USP49: variants seen among roughly 807,000 people sequenced by gnomAD.
USP49 encodes ubiquitin specific peptidase 49, also known as ubiquitin carboxyl-terminal hydrolase 49.
In USP49, 24 loss-of-function variants were observed where a neutral mutation model predicts 58.6. The observed-to-expected ratio is 0.41, with a 90% CI of 0.30 to 0.58. The LOEUF is 0.58. Ranked by LOEUF, USP49 falls within the 20% of genes least tolerant of loss-of-function variation. The pLI is 0.30. For synonymous variants in USP49, 408 were observed against 365.1 expected (o/e 1.12, Z -1.34); for missense variants, 703 against 866.1 (o/e 0.81, Z 2.36).
At chr6:41,836,388 A>G (rs1773727537) in intron 3 of USP49, among the ~76,000 whole-genome samples, 1 of 152,224 alleles carries the variant, frequency 6.6e-6, no homozygotes, top group Non-Finnish European at 1.5e-5. Context: ...AATAACAGCC[A>G]TCTATGACAA....
intron 3 of USP49, among the ~76,000 whole-genome samples, chr6:41,864,561 T>TCAAAA (rs1054937356): frequency 3.9e-5 from 6 of 151,996 alleles, no homozygotes; most frequent in Non-Finnish European, 7.4e-5. Context: ...AGACTCCGTC[T>TCAAAA]CAAAACAAAA....
At chr6:41,814,125 G>A (rs1424147719) in intron 3 of USP49, among the ~76,000 whole-genome samples, 1 of 152,222 alleles carries the variant, frequency 6.6e-6, no homozygotes, top group African/African-American at 2.4e-5. Flanking sequence ...AATTGGGAAA[G>A]AACATGATGT....
chr6:41,860,283 G>C (rs1428686889), intron 3 of USP49, among the ~76,000 whole-genome samples: 1 of 151,314 alleles, frequency 6.6e-6, no homozygotes, highest in Non-Finnish European at 1.5e-5. Flanking sequence ...GAGAGAGAGA[G>C]AAAGAGAGAG....
At chr6:41,889,524 G>T (rs1043653688) in intron 2 of USP49, among the ~76,000 whole-genome samples, 6 of 152,098 alleles carry the variant, frequency 3.9e-5, no homozygotes, top group Non-Finnish European at 7.4e-5. Flanking sequence ...ACACATCCAT[G>T]CATGAGCACA....
At chr6:41,820,584 ATAG>A (rs1349897822) in intron 3 of USP49, among the ~76,000 whole-genome samples, 1 of 152,136 alleles carries the variant, frequency 6.6e-6, no homozygotes, top group Non-Finnish European at 1.5e-5. Flanking sequence ...GAAAAAAAAA[ATAG>A]TAGAAGGACA....
intron 3 of USP49, among the ~76,000 whole-genome samples, chr6:41,808,391 G>C (rs1405826331): frequency 4.0e-5 from 6 of 150,606 alleles, no homozygotes; most frequent in African/African-American, 1.5e-4. Context: ...TTCTCCAAGG[G>C]AAAGAAGCTA....
At chr6:41,849,730 C>T (rs1334138649) in intron 3 of USP49, among the ~76,000 whole-genome samples, 2 of 151,856 alleles carry the variant, frequency 1.3e-5, no homozygotes, top group Non-Finnish European at 2.9e-5. Flanking sequence ...GCCTCAGCCT[C>T]CCAAGTAGCT....
At chr6:41,849,434 T>C (rs150302379) in intron 3 of USP49, among the ~76,000 whole-genome samples, 135 of 152,130 alleles carry the variant, frequency 8.9e-4, no homozygotes, top group African/African-American at 3.2e-3. Flanking sequence ...TGAACAACAT[T>C]ATACACCAAA....
chr6:41,892,867 C>T (rs920597597), intron 1 of USP49, among the ~76,000 whole-genome samples: 1 of 152,038 alleles, frequency 6.6e-6, no homozygotes, highest in Non-Finnish European at 1.5e-5. Context: ...CCTTTGGCAC[C>T]ATCAAATGCA....
chr6:41,849,001 T>C (rs1773973055), intron 3 of USP49, among the ~76,000 whole-genome samples: 1 of 152,126 alleles, frequency 6.6e-6, no homozygotes, highest in Admixed American at 6.6e-5. Flanking sequence ...GCTGGGCCAG[T>C]AATTAACTTT....
Position 41,805,949 on chromosome 6 carries a change from G to C in USP49, c.1035C>G (p.Ile345Met), listed in dbSNP as rs1180887697. 1 of 1,613,762 alleles carries C rather than the reference G, an allele frequency of 6.2e-7. No individual in the cohort carries two copies. Among genetic ancestry groups the C allele is most frequent in the Non-Finnish European group, 8.5e-7 (1 of 1,180,020 alleles). The change falls in exon 4 of 8, where the codon ATC becomes ATG. Residue 345 changes from isoleucine to methionine, a missense_variant. Coordinates refer to ENST00000682992, the MANE Select transcript of USP49 (RefSeq NM_001286554.2). The stretch of plus-strand genomic sequence containing the variant: ...GCTTTGAACTCGGCTCCTTGTTCTG[G>C]ATGAGCTCCAGACTCCGACTAATGG... ...RASISRSLEL[I>M]QNKEPSSKHI...
At chr6:41,869,171 G>T (rs1186429794) in intron 3 of USP49, among the ~76,000 whole-genome samples, 3 of 146,254 alleles carry the variant, frequency 2.1e-5, no homozygotes, top group Non-Finnish European at 4.5e-5. Flanking sequence ...TCTTAAAATA[G>T]TTAATTGTCT....
intron 3 of USP49, among the ~76,000 whole-genome samples, chr6:41,848,838 C>T (rs2127349299): frequency 6.6e-6 from 1 of 150,584 alleles, no homozygotes. Flanking sequence ...CTGGACAACA[C>T]CAGTGAGACA....
intron 2 of USP49, among the ~76,000 whole-genome samples, chr6:41,890,471 G>A (rs1008437499): frequency 5.3e-5 from 8 of 151,938 alleles, no homozygotes; most frequent in Non-Finnish European, 1.0e-4. Context: ...CCAGCACTTC[G>A]GGAGGTTAAG....
chr6:41,892,594 G>A (rs1388153410), intron 1 of USP49, among the ~76,000 whole-genome samples: 2 of 152,166 alleles, frequency 1.3e-5, no homozygotes, highest in Non-Finnish European at 2.9e-5. Context: ...CACAGTAGCT[G>A]AATGCAGAAA....
chr6:41,862,283 C>T (rs548832502), intron 3 of USP49, among the ~76,000 whole-genome samples: 1 of 152,206 alleles, frequency 6.6e-6, no homozygotes, highest in Non-Finnish European at 1.5e-5. Flanking sequence ...TACGCTATCC[C>T]CTAATTACCC....
At chr6:41,894,955 C>G (rs1165980400) in intron 1 of USP49, among the ~76,000 whole-genome samples, 2 of 151,520 alleles carry the variant, frequency 1.3e-5, no homozygotes, top group African/African-American at 4.8e-5. Flanking sequence ...ACGCTTTTGC[C>G]CCAACCCAGC....
At position 41,804,022 on chromosome 6, in the gene USP49, A is replaced by G. The variant is rs1475209518; in HGVS notation, c.1357-12T>C. The G allele has an allele frequency of 6.2e-7, 1 of 1,611,640 alleles. No homozygotes were observed. The highest frequency in any genetic ancestry group is 8.5e-7 in the Non-Finnish European group (1 of 1,178,618). Reference sequence around the variant, plus strand: ...GATATACATGTGACCTAGAATGAAAAGATTGATTTACAGATTATATAACTT... The same window carrying G: ...GATATACATGTGACCTAGAATGAAAGGATTGATTTACAGATTATATAACTT... On this transcript the variant is annotated splice_polypyrimidine_tract_variant and intron_variant, in intron 4 of 7. Coordinates refer to ENST00000682992, the MANE Select transcript of USP49 (RefSeq NM_001286554.2).
chr6:41,878,682 T>A (rs1025072916), intron 2 of USP49, among the ~76,000 whole-genome samples: 4 of 152,208 alleles, frequency 2.6e-5, no homozygotes, highest in Non-Finnish European at 5.9e-5. Context: ...AAGCACTTCT[T>A]ATAAATACTA....
Sources: gnomAD v4.1 joint callset for allele counts (sites outside exome capture counted in the v4.1 genomes callset) on GRCh38, gnomAD v4.1.1 for gene constraint, MANE v1.5 for transcripts, NCBI Gene and HGNC (gene_info 2026-07-23, HGNC 2026-07-21) for gene names.